The following ATXN7 variants were observed in gnomAD, a reference collection of about 807,000 sequenced individuals.
ATXN7 encodes the protein ataxin-7.
In ATXN7, 12 loss-of-function variants were observed where a neutral mutation model predicts 70.5. The ratio of observed to expected loss-of-function variants is 0.17; its 90% confidence interval spans 0.11 to 0.28. ATXN7 has a LOEUF of 0.28. Ranked by LOEUF, ATXN7 falls within the 10% of genes least tolerant of loss-of-function variation. The pLI, the probability that ATXN7 is intolerant of heterozygous loss-of-function variation, is 1.00. For synonymous variants in ATXN7, 498 were observed against 448.7 expected, an observed-to-expected ratio of 1.11 and a Z score of -1.39; for missense variants, 1,256 against 1,131.7, an observed-to-expected ratio of 1.11 and a Z score of -1.58.
At chr3:63,932,768 C>T (rs1414909819) in intron 4 of ATXN7, among the ~76,000 whole-genome samples, 2 of 152,264 alleles carry the variant, frequency 1.3e-5, no homozygotes, top group African/African-American at 2.4e-5. Context: ...TCTCTTAGAT[C>T]GGGGCTTAGG....
At chr3:63,877,685 A>G (rs1325784403) in intron 1 of ATXN7, among the ~76,000 whole-genome samples, 5 of 152,224 alleles carry the variant, frequency 3.3e-5, no homozygotes, top group Non-Finnish European at 7.3e-5. Context: ...TGGCTTATTG[A>G]TATGAGCCAT....
chr3:63,867,995 C>T (rs897737873), intron 1 of ATXN7, among the ~76,000 whole-genome samples: 1 of 152,330 alleles, frequency 6.6e-6, no homozygotes, highest in African/African-American at 2.4e-5. Flanking sequence ...AGTTGATAAG[C>T]CAAGCTGGTC....
intron 1 of ATXN7, among the ~76,000 whole-genome samples, 127 bp downstream of exon 1, chr3:63,864,285 C>G (rs1410921923): frequency 6.6e-6 from 1 of 151,282 alleles, no homozygotes; most frequent in Non-Finnish European, 1.5e-5. Flanking sequence ...CAGGGTGACG[C>G]TGCTAGGGGT....
intron 5 of ATXN7, among the ~76,000 whole-genome samples, chr3:63,969,862 G>A (rs551198587): frequency 9.2e-5 from 14 of 152,250 alleles, no homozygotes; most frequent in East Asian, 1.9e-4. Context: ...GTGGATTTTC[G>A]TTTTGGCTCT....
At chr3:63,927,468 C>T (rs186136779) in intron 4 of ATXN7, among the ~76,000 whole-genome samples, 51 of 152,268 alleles carry the variant, frequency 3.3e-4, no homozygotes, top group Admixed American at 5.2e-4. Context: ...AATAATAATT[C>T]TTGTTGAAGG....
chr3:63,926,837 T>G (rs1379136788), intron 4 of ATXN7, among the ~76,000 whole-genome samples: 1 of 152,016 alleles, frequency 6.6e-6, no homozygotes, highest in African/African-American at 2.4e-5. Context: ...CCCAACAGGC[T>G]CCAGTGTGTC....
At chr3:63,940,765 CA>C (rs1354963472) in intron 4 of ATXN7, among the ~76,000 whole-genome samples, 1 of 152,160 alleles carries the variant, frequency 6.6e-6, no homozygotes, top group African/African-American at 2.4e-5. Flanking sequence ...CTGGAGATTA[CA>C]AAACCAAGCT....
chr3:63,944,390 A>G (rs558917439), intron 4 of ATXN7, among the ~76,000 whole-genome samples: 6 of 152,364 alleles, frequency 3.9e-5, no homozygotes, highest in African/African-American at 1.4e-4. Context: ...TTATTAAGTA[A>G]TAAGTATTAC....
rs77203794 is a variant in ATXN7 at position 63,999,640 on chromosome 3, A to C, written c.*173A>C. The C allele has an allele frequency of 1.6e-6, 2 of 1,218,404 alleles. No individual in the cohort carries two copies. The highest frequency in any genetic ancestry group is 2.4e-6 in the Non-Finnish European group (2 of 843,878). The allele number at this position is 1,218,404 out of a possible 1,614,324, so 75.5% of individuals were successfully genotyped here. A position where few individuals can be genotyped will look rare whatever the true frequency, so the allele number is the denominator to read the frequency against. ...TTTTAACGAGGATTTCCCTGAAGCTATGTCTCTAGCAGTGAGTACTCATAA... is the reference window on the plus strand; with the variant it reads ...TTTTAACGAGGATTTCCCTGAAGCTCTGTCTCTAGCAGTGAGTACTCATAA... On this transcript the variant is annotated 3_prime_UTR_variant, in exon 13 of 13. Coordinates refer to ENST00000674280, the MANE Select transcript of ATXN7 (RefSeq NM_001377405.1).
chr3:63,987,913 G>A (rs1370870030), intron 8 of ATXN7, 146 bp from the exon 9 acceptor site: 1 of 955,676 alleles, frequency 1.0e-6, no homozygotes, highest in Non-Finnish European at 1.5e-6. Context: ...GGGCTCTTAA[G>A]GTTTTTAGCT....
In ATXN7 at chr3:63,913,215, C is replaced by T; in HGVS notation, c.384C>T (p.Leu128=). The T allele has an allele frequency of 6.2e-7, 1 of 1,613,916 alleles. No individual in the cohort carries two copies. Among genetic ancestry groups the T allele is most frequent in the African/African-American group, 1.3e-5 (1 of 74,952 alleles). The change falls in exon 4 of 13, where the codon CTC becomes CTT. Residue 128 remains leucine, a synonymous_variant. Coordinates refer to ENST00000674280, the MANE Select transcript of ATXN7 (RefSeq NM_001377405.1). ...EFGKNREVMG[L]CREDMPIFGF... is the part of the protein sequence containing the mutation. ...GGAAAAACCGCGAAGTCATGGGGCT[C>T]TGTCGGGAAGGTGAGTCCAGCCCCC...
chr3:63,911,769 TGACACCTGGGCA>T (rs887935445), intron 2 of ATXN7: 43 of 152,386 alleles, frequency 2.8e-4, no homozygotes, highest in African/African-American at 1.0e-3. Context: ...TACTTCGTCC[TGACACCTGGGCA>T]GACACCTGGG....
intron 11 of ATXN7, among the ~76,000 whole-genome samples, chr3:63,993,939 G>A (rs1230997772): frequency 1.3e-5 from 2 of 152,138 alleles, no homozygotes; most frequent in Non-Finnish European, 2.9e-5. Flanking sequence ...TGGGGCCCAG[G>A]AACTCAGTTT....
At chr3:63,981,299 C>G (rs1013338442) in intron 6 of ATXN7, among the ~76,000 whole-genome samples, 1 of 152,198 alleles carries the variant, frequency 6.6e-6, no homozygotes, top group African/African-American at 2.4e-5. Flanking sequence ...GTACAGCAAG[C>G]TTGGTTTTTG....
At chr3:63,963,597 A>G (rs145995407) in intron 5 of ATXN7, among the ~76,000 whole-genome samples, 16 of 152,304 alleles carry the variant, frequency 1.1e-4, no homozygotes, top group African/African-American at 3.8e-4. Context: ...ATAGTTTTAC[A>G]AAAAAGTGGA....
chr3:63,875,478 A>G (rs1233735696), intron 1 of ATXN7, among the ~76,000 whole-genome samples: 3 of 152,294 alleles, frequency 2.0e-5, no homozygotes, highest in African/African-American at 7.2e-5. Flanking sequence ...CACCTTGGTA[A>G]TTAGTAGCTG....
At chr3:63,872,410 G>A (rs1702624776) in intron 1 of ATXN7, among the ~76,000 whole-genome samples, 1 of 152,184 alleles carries the variant, frequency 6.6e-6, no homozygotes, top group Admixed American at 6.5e-5. Flanking sequence ...TAAGTCTTGA[G>A]TCAGAACTAG....
At chr3:63,866,053 C>T (rs916015389) in intron 1 of ATXN7, among the ~76,000 whole-genome samples, 2 of 151,414 alleles carry the variant, frequency 1.3e-5, no homozygotes, top group East Asian at 1.9e-4. Flanking sequence ...TATCACTGCC[C>T]CCTGTAACTT....
intron 1 of ATXN7, among the ~76,000 whole-genome samples, chr3:63,884,451 A>T (rs1013913825): frequency 6.6e-6 from 1 of 152,156 alleles, no homozygotes; most frequent in African/African-American, 2.4e-5. Flanking sequence ...TTAAAGGCTC[A>T]TATAAACATA....
Sources: gnomAD v4.1 joint callset for allele counts (sites outside exome capture counted in the v4.1 genomes callset) on GRCh38, gnomAD v4.1.1 for gene constraint, MANE v1.5 for transcripts, NCBI Gene and HGNC (gene_info 2026-07-23, HGNC 2026-07-21) for gene names.